ERICH1: variants seen among roughly 807,000 people sequenced by gnomAD.
ERICH1 encodes the protein glutamate rich 1, also known as glutamate-rich protein 1.
A neutral mutation model predicts 39.6 loss-of-function variants in ERICH1; 56 were observed. The ratio of observed to expected loss-of-function variants is 1.41; its 90% CI spans 1.14 to 1.77. The LOEUF is 1.77. Among genes scored for constraint, ERICH1 ranks in the 40% most tolerant of loss-of-function variants. ERICH1 has a pLI of 0.00. For missense variants in ERICH1, 826 were observed against 575.4 expected (o/e 1.44, Z -4.45); for synonymous variants, 313 against 223.6 (o/e 1.40, Z -3.57).
intron 2 of ERICH1, among the ~76,000 whole-genome samples, chr8:702,390 G>C (rs1259857480): frequency 6.6e-6 from 1 of 152,106 alleles, no homozygotes; most frequent in African/African-American, 2.4e-5. Context: ...GACACGCTGG[G>C]AATCTGTCCC....
intron 3 of ERICH1, among the ~76,000 whole-genome samples, chr8:622,721 G>A (rs1393933359): frequency 6.6e-6 from 1 of 152,184 alleles, no homozygotes; most frequent in Non-Finnish European, 1.5e-5. Context: ...GGGAGGCTGA[G>A]GTGGGAGGAT....
At chr8:618,370 T>C (rs1797064293) in intron 3 of ERICH1, among the ~76,000 whole-genome samples, 1 of 151,714 alleles carries the variant, frequency 6.6e-6, no homozygotes, top group African/African-American at 2.4e-5. Context: ...TGGTCTGTCC[T>C]CACTGCCCTC....
Position 681,095 on chromosome 8 carries a change from A to G in ERICH1, c.305-7048T>C, listed in dbSNP as rs185639398. 1.7e-3 allele frequency among the ~76,000 whole-genome samples: 255 copies of G among 152,294 alleles called. 1 individual carries two copies. Among genetic ancestry groups the G allele is most frequent in the African/African-American group, 5.5e-3 (230 of 41,562 alleles). On this transcript the variant is annotated intron_variant, in intron 3 of 5. Coordinates refer to ENST00000262109, the MANE Select transcript of ERICH1 (RefSeq NM_207332.3). ...ACCGTATGCCAGAGAGCCAGACTGG[A>G]TGCATTTGGCAGGCTCTGCCGCACC... is the stretch of plus-strand genomic sequence containing the variant.
intron 3 of ERICH1, among the ~76,000 whole-genome samples, chr8:683,947 C>A (rs1462597474): frequency 6.6e-6 from 1 of 152,148 alleles, no homozygotes; most frequent in African/African-American, 2.4e-5. Context: ...TCCAAATTTT[C>A]TAGATTAGTT....
intron 5 of ERICH1, chr8:667,450 C>T (rs572568807): frequency 6.5e-6 from 1 of 153,196 alleles, no homozygotes; most frequent in South Asian, 2.0e-4. Context: ...TCTCCAGGAT[C>T]TATCTGCAGC....
At chr8:628,484 C>T (rs998563723) in intron 3 of ERICH1, among the ~76,000 whole-genome samples, 3 of 152,226 alleles carry the variant, frequency 2.0e-5, no homozygotes, top group African/African-American at 2.4e-5. Flanking sequence ...GTGGCTGCTC[C>T]CCAGTCCCCA....
At chr8:695,497 TCTCC>T (rs1235813021) in intron 2 of ERICH1, among the ~76,000 whole-genome samples, 1 of 137,248 alleles carries the variant, frequency 7.3e-6, no homozygotes, top group East Asian at 2.1e-4. Flanking sequence ...CTCCCTCTCC[TCTCC>T]TTCCTCCCCA....
chr8:653,416 G>A (rs2878547), intron 3 of ERICH1, among the ~76,000 whole-genome samples: 136,423 of 152,282 alleles, frequency 0.9, 61,215 homozygotes, highest in South Asian at 0.95. Context: ...TCAACCATGC[G>A]TAGACTGCCG....
At chr8:679,648 G>A (rs966175835) in intron 3 of ERICH1, among the ~76,000 whole-genome samples, 1 of 152,228 alleles carries the variant, frequency 6.6e-6, no homozygotes, top group Non-Finnish European at 1.5e-5. Flanking sequence ...CTCAAAGGAA[G>A]AAATCTAAAT....
At chr8:634,055 C>T (rs1584973153) in intron 3 of ERICH1, among the ~76,000 whole-genome samples, 1 of 151,622 alleles carries the variant, frequency 6.6e-6, no homozygotes, top group East Asian at 1.9e-4. Context: ...AACATTTCGT[C>T]CATCAAATGA....
intron 3 of ERICH1, among the ~76,000 whole-genome samples, chr8:691,586 G>A (rs10098135): frequency 0.48 from 73,491 of 152,110 alleles, 17,782 homozygotes; most frequent in Middle Eastern, 0.58. Context: ...TCATAAGAAC[G>A]CACATTTTCT....
At chr8:642,695 T>G (rs1364782781) in intron 3 of ERICH1, among the ~76,000 whole-genome samples, 5 of 152,082 alleles carry the variant, frequency 3.3e-5, no homozygotes, top group Non-Finnish European at 7.4e-5. Flanking sequence ...GAGGTCTTCA[T>G]CATCCCACAA....
rs149474561 is a variant in ERICH1 at position 705,960 on chromosome 8, C to T, written c.169+9901G>A. Among the ~76,000 whole-genome samples, 289 of 152,270 alleles carry T rather than the reference C, an allele frequency of 1.9e-3. 3 individuals carry two copies. The highest frequency in any genetic ancestry group is 6.3e-3 in the African/African-American group (263 of 41,570). On this transcript the variant is annotated intron_variant, in intron 2 of 5. Transcript: ENST00000262109. Reference sequence around the variant, plus strand: ...GAAAGGCTGGCTGCATATAGGACGGCGGACCCTGAAGATGATAACGCTGTA... The same window carrying T: ...GAAAGGCTGGCTGCATATAGGACGGTGGACCCTGAAGATGATAACGCTGTA...
chr8:623,798 G>A (rs1584940102), intron 3 of ERICH1, among the ~76,000 whole-genome samples: 1 of 152,126 alleles, frequency 6.6e-6, no homozygotes, highest in African/African-American at 2.4e-5. Flanking sequence ...CTATAAAACT[G>A]TCTGAAGAAA....
intron 2 of ERICH1, among the ~76,000 whole-genome samples, chr8:701,527 T>G (rs907251881): frequency 1.3e-5 from 2 of 152,186 alleles, no homozygotes; most frequent in African/African-American, 4.8e-5. Flanking sequence ...ACAGAGCCGC[T>G]GCCACAGGGA....
At chr8:703,472 G>T (rs989709057) in intron 2 of ERICH1, among the ~76,000 whole-genome samples, 11 of 152,170 alleles carry the variant, frequency 7.2e-5, no homozygotes, top group East Asian at 1.9e-4. Context: ...GGAGAAAAAG[G>T]GGGGCAGGCA....
At chr8:699,805 G>A (rs1173675560) in intron 2 of ERICH1, among the ~76,000 whole-genome samples, 5 of 67,254 alleles carry the variant, frequency 7.4e-5, no homozygotes, top group Non-Finnish European at 1.8e-4. Flanking sequence ...CCGCACACGC[G>A]CACAGATCCG....
At chr8:632,047 C>G (rs1035673452) in intron 3 of ERICH1, among the ~76,000 whole-genome samples, 2 of 152,212 alleles carry the variant, frequency 1.3e-5, no homozygotes, top group Non-Finnish European at 2.9e-5. Flanking sequence ...CGAGCTGCGT[C>G]TCTGCTTCCC....
chr8:712,939 T>G (rs1166470773), intron 2 of ERICH1, among the ~76,000 whole-genome samples: 7 of 152,236 alleles, frequency 4.6e-5, no homozygotes, highest in African/African-American at 7.2e-5. Flanking sequence ...GCATTAGCTT[T>G]CTAGGGCTGC....
Sources: gnomAD v4.1 joint callset for allele counts (sites outside exome capture counted in the v4.1 genomes callset) on GRCh38, gnomAD v4.1.1 for gene constraint, MANE v1.5 for transcripts, NCBI Gene and HGNC (gene_info 2026-07-23, HGNC 2026-07-21) for gene names.